The following PRKG1 variants were observed in gnomAD, a reference collection of about 807,000 sequenced individuals.
The protein encoded by PRKG1 is cGMP-dependent protein kinase 1.
A neutral mutation model predicts 88.1 loss-of-function variants in PRKG1; 35 were observed. The observed-to-expected ratio is 0.40, with a 90% CI of 0.30 to 0.53. The LOEUF is 0.53. Among genes scored for constraint, PRKG1 ranks in the 20% least tolerant of loss-of-function variants. The probability of loss-of-function intolerance (pLI) is 0.59; values close to 1 mark genes in which losing one functional copy is unlikely to be tolerated. For synonymous variants in PRKG1, 303 were observed against 292.5 expected (o/e 1.04, Z -0.37); for missense variants, 540 against 839.8 (o/e 0.64, Z 4.41).
At chr10:51,892,091 C>A (rs1165587960) in intron 4 of PRKG1, among the ~76,000 whole-genome samples, 1 of 152,142 alleles carries the variant, frequency 6.6e-6, no homozygotes, top group Admixed American at 6.5e-5. Flanking sequence ...GTCACCTCAG[C>A]CTAAACCAAA....
At chr10:51,411,117 A>G (rs914672043) in intron 2 of PRKG1, among the ~76,000 whole-genome samples, 31 of 152,074 alleles carry the variant, frequency 2.0e-4, no homozygotes, top group South Asian at 6.2e-4. Flanking sequence ...CTCCTGCCTC[A>G]GTCTCCCAAG....
chr10:51,521,297 C>CA (rs992353639), intron 3 of PRKG1, among the ~76,000 whole-genome samples: 30 of 151,986 alleles, frequency 2.0e-4, no homozygotes, highest in Non-Finnish European at 4.1e-4. Context: ...CTCAAAAAAA[C>CA]AAAAAACTAC....
intron 4 of PRKG1, among the ~76,000 whole-genome samples, chr10:51,896,486 A>T (rs927454182): frequency 6.6e-6 from 1 of 151,826 alleles, no homozygotes; most frequent in African/African-American, 2.4e-5. Context: ...AGGCAGAAGG[A>T]TCACTTGAGG....
chr10:52,271,822 C>A (rs1237717409), intron 11 of PRKG1, among the ~76,000 whole-genome samples: 4 of 151,910 alleles, frequency 2.6e-5, no homozygotes, highest in Non-Finnish European at 5.9e-5. Context: ...AACTATTTAA[C>A]CTTTAATTAT....
In PRKG1 at chr10:51,852,417, A is replaced by G. The variant is rs146103291; in HGVS notation, c.698+47727A>G. On this transcript the variant is annotated intron_variant, in intron 4 of 17. Coordinates refer to ENST00000373980, the MANE Select transcript of PRKG1 (RefSeq NM_006258.4). ...AGAGGAAACAGAGGTAGAGGTGAAT[A>G]ACAGAATGCTGTTGCAGCTGCAGGT... is the stretch of plus-strand genomic sequence containing the variant. Among the ~76,000 whole-genome samples, 533 of 151,862 alleles carry G rather than the reference A, an allele frequency of 3.5e-3. 3 individuals are homozygous for G. Among genetic ancestry groups the G allele is most frequent in the South Asian group, 6.5e-3 (31 of 4,802 alleles).
chr10:51,391,521 C>A (rs531892701), intron 2 of PRKG1, among the ~76,000 whole-genome samples: 7 of 152,154 alleles, frequency 4.6e-5, no homozygotes, highest in African/African-American at 1.7e-4. Flanking sequence ...CACACTTTGG[C>A]TTTGCCTTTT....
rs531660357 is a variant in PRKG1 at position 51,550,737 on chromosome 10, A to G, written c.592+82901A>G. ...TCCTCAAAGCAGCTGAAGGTGAGGT[A>G]GCATAGGAATCTGTGTAAGTACTGA... On this transcript the variant is annotated intron_variant, in intron 3 of 17. Transcript: ENST00000373980. 2.3e-4 allele frequency among the ~76,000 whole-genome samples: 35 copies of G among 152,136 alleles called. No individual in the cohort carries two copies. In the Middle Eastern group the frequency reaches 0.014, roughly 59 times the overall value.
chr10:51,772,648 A>G (rs1838334811), intron 3 of PRKG1, among the ~76,000 whole-genome samples: 1 of 152,058 alleles, frequency 6.6e-6, no homozygotes, highest in Admixed American at 6.6e-5. Flanking sequence ...GTTTGCAGAG[A>G]ATCTGTATTA....
intron 4 of PRKG1, among the ~76,000 whole-genome samples, chr10:51,905,910 C>T (rs1014189999): frequency 6.6e-6 from 1 of 152,086 alleles, no homozygotes; most frequent in African/African-American, 2.4e-5. Flanking sequence ...TTGAAAAAGA[C>T]AGACATAGTT....
intron 4 of PRKG1, among the ~76,000 whole-genome samples, chr10:51,808,590 G>A (rs2339857): frequency 0.021 from 3,143 of 152,178 alleles, 109 homozygotes; most frequent in African/African-American, 0.072. Flanking sequence ...GCAACAGAGA[G>A]AGACCCTGTC....
At chr10:51,593,314 C>G (rs778456190) in intron 3 of PRKG1, among the ~76,000 whole-genome samples, 69 of 132,734 alleles carry the variant, frequency 5.2e-4, no homozygotes, top group Non-Finnish European at 7.7e-4. Context: ...CTGAGAAAAA[C>G]AAAAAACAAA....
At chr10:51,479,021 G>T (rs186159002) in intron 3 of PRKG1, among the ~76,000 whole-genome samples, 183 of 151,982 alleles carry the variant, frequency 1.2e-3, no homozygotes, top group Admixed American at 2.6e-3. Context: ...TACCTTAAAA[G>T]TCTCAGAAGC....
intron 4 of PRKG1, among the ~76,000 whole-genome samples, chr10:51,907,037 T>C (rs1842101246): frequency 6.6e-6 from 1 of 152,202 alleles, no homozygotes; most frequent in African/African-American, 2.4e-5. Context: ...TTCTAGTAAG[T>C]TGTGACTGAA....
At chr10:51,786,140 A>G (rs1391860262) in intron 3 of PRKG1, among the ~76,000 whole-genome samples, 1 of 152,164 alleles carries the variant, frequency 6.6e-6, no homozygotes, top group Non-Finnish European at 1.5e-5. Context: ...AAACAGTATC[A>G]ATGAAGTCAG....
intron 3 of PRKG1, among the ~76,000 whole-genome samples, chr10:51,494,325 A>T (rs539413736): frequency 3.8e-4 from 58 of 152,354 alleles, no homozygotes; most frequent in African/African-American, 1.3e-3. Flanking sequence ...TGCACAGTGT[A>T]TTCTAAATAG....
At chr10:51,893,927 A>G (rs766727005) in intron 4 of PRKG1, among the ~76,000 whole-genome samples, 12 of 152,072 alleles carry the variant, frequency 7.9e-5, no homozygotes, top group Non-Finnish European at 1.8e-4. Context: ...GAATTTATAT[A>G]TTAGAGAGGA....
chr10:52,138,480 G>C (rs1372694078), intron 8 of PRKG1, among the ~76,000 whole-genome samples: 1 of 152,120 alleles, frequency 6.6e-6, no homozygotes, highest in East Asian at 1.9e-4. Flanking sequence ...GACTCCTAAA[G>C]GATCCAGTGG....
intron 3 of PRKG1, among the ~76,000 whole-genome samples, chr10:51,716,029 A>G (rs1225420908): frequency 6.6e-6 from 1 of 152,158 alleles, no homozygotes; most frequent in East Asian, 1.9e-4. Context: ...TGCTATGTGG[A>G]TGTCAAGCAT....
chr10:51,874,727 ATGTT>A (rs563920675), intron 4 of PRKG1, among the ~76,000 whole-genome samples: 1 of 151,932 alleles, frequency 6.6e-6, no homozygotes, highest in African/African-American at 2.4e-5. Context: ...AGAGTTGTTT[ATGTT>A]TGTTTGTTTT....
Sources: allele counts gnomAD v4.1 joint callset (sites outside exome capture counted in the v4.1 genomes callset), GRCh38; gene constraint gnomAD v4.1.1; transcripts MANE v1.5; gene names NCBI Gene and HGNC (gene_info 2026-07-23, HGNC 2026-07-21).